The following TTBK2 variants were observed in gnomAD, a reference collection of about 807,000 sequenced individuals.
TTBK2 encodes tau-tubulin kinase 2.
In TTBK2, 28 loss-of-function variants were observed where a neutral mutation model predicts 110.8. The observed-to-expected ratio is 0.25, with a 90% CI of 0.19 to 0.35. The LOEUF (loss-of-function observed/expected upper bound fraction) is 0.35. Ranked by LOEUF, TTBK2 falls within the 10% of genes least tolerant of loss-of-function variation. The pLI, the probability that TTBK2 is intolerant of heterozygous loss-of-function variation, is 1.00. For synonymous variants in TTBK2, 532 were observed against 527.3 expected (o/e 1.01, Z -0.12); for missense variants, 1,369 against 1,500.3 (o/e 0.91, Z 1.45).
rs189162400 is a variant in TTBK2 at position 42,916,305 on chromosome 15, G to A, written c.-68+4133C>T. ...TTCCTATTTTCCTCCCCTCATCTTC[G>A]CCTTATTGGTCATTGAAAAATGTTT... On this transcript the variant is annotated intron_variant, in intron 1 of 14. Transcript: ENST00000267890. 4.9e-4 allele frequency among the ~76,000 whole-genome samples: 74 copies of A among 151,724 alleles called. 1 individual carries two copies. In the South Asian group the frequency reaches 0.011, roughly 22 times the overall value.
Position 42,840,447 on chromosome 15 carries a change from G to A in TTBK2, c.218-14C>T. ...CATGGTCTTTCCCTGGATAAAAAAAGAAAACAGTGGAAAAGAATATACTAT... is the reference window on the plus strand; with the variant it reads ...CATGGTCTTTCCCTGGATAAAAAAAAAAAACAGTGGAAAAGAATATACTAT... On this transcript the variant is annotated splice_polypyrimidine_tract_variant and intron_variant, in intron 3 of 14. Transcript: ENST00000267890. 6.2e-7 allele frequency: 1 copy of A among 1,604,008 alleles called. No homozygotes were observed. The highest frequency in any genetic ancestry group is 1.1e-5 in the South Asian group (1 of 90,890).
intron 9 of TTBK2, among the ~76,000 whole-genome samples, chr15:42,808,626 G>A (rs1338632514): frequency 6.6e-6 from 1 of 151,958 alleles, no homozygotes; most frequent in Non-Finnish European, 1.5e-5. Context: ...AAGGCAGAAG[G>A]ATTGCTTGAG....
chr15:42,829,845 A>C, intron 5 of TTBK2, 93 bp downstream of exon 5: 2 of 1,544,722 alleles, frequency 1.3e-6, no homozygotes, highest in Middle Eastern at 2.0e-4. Flanking sequence ...TACCACAGCA[A>C]ATACACAAAG....
chr15:42,827,837 T>G, intron 6 of TTBK2, 91 bp downstream of exon 6: 1 of 995,404 alleles, frequency 1.0e-6, no homozygotes, highest in Non-Finnish European at 1.6e-6. Context: ...TAACATCCAT[T>G]AGGATAAATA....
chr15:42,901,493 A>T (rs2030004509), intron 1 of TTBK2, among the ~76,000 whole-genome samples: 1 of 152,116 alleles, frequency 6.6e-6, no homozygotes, highest in South Asian at 2.1e-4. Context: ...CAAAATTAAA[A>T]ACTTTTGGCC....
At chr15:42,841,968 TA>T (rs1210133046) in intron 3 of TTBK2, among the ~76,000 whole-genome samples, 7 of 152,172 alleles carry the variant, frequency 4.6e-5, no homozygotes, top group African/African-American at 1.7e-4. Context: ...GAGGAACCAT[TA>T]GTTCATGGAC....
intron 3 of TTBK2, among the ~76,000 whole-genome samples, chr15:42,848,096 CATG>C (rs1893543386): frequency 1.3e-5 from 2 of 152,140 alleles, no homozygotes; most frequent in South Asian, 4.1e-4. Context: ...ATTGTATAAA[CATG>C]ATGTTTTGAA....
chr15:42,827,375 A>G (rs1173443572), intron 6 of TTBK2, among the ~76,000 whole-genome samples: 1 of 152,242 alleles, frequency 6.6e-6, no homozygotes, highest in East Asian at 1.9e-4. Context: ...ACAAAAAATC[A>G]TGAGGCATGC....
intron 3 of TTBK2, among the ~76,000 whole-genome samples, chr15:42,844,613 C>A (rs1221656211): frequency 6.6e-6 from 1 of 152,124 alleles, no homozygotes; most frequent in East Asian, 1.9e-4. Flanking sequence ...GCATTTTATG[C>A]CAGTCTCTAT....
intron 3 of TTBK2, among the ~76,000 whole-genome samples, chr15:42,857,954 A>T (rs1028798746): frequency 6.6e-5 from 10 of 152,000 alleles, no homozygotes; most frequent in African/African-American, 2.4e-4. Flanking sequence ...ATGGTGGCAC[A>T]TGCCTGTCGT....
chr15:42,815,793 T>A (rs1891913372), intron 7 of TTBK2, among the ~76,000 whole-genome samples: 1 of 147,410 alleles, frequency 6.8e-6, no homozygotes, highest in African/African-American at 2.5e-5. Flanking sequence ...ATTGATAGTA[T>A]TATATTCCCA....
intron 12 of TTBK2, among the ~76,000 whole-genome samples, chr15:42,776,119 C>A (rs1362723362): frequency 6.6e-6 from 1 of 152,164 alleles, no homozygotes; most frequent in African/African-American, 2.4e-5. Context: ...TGAATGATTA[C>A]CATGTGAGGA....
At chr15:42,747,507 C>T (rs145594487) in intron 14 of TTBK2, among the ~76,000 whole-genome samples, 3 of 152,266 alleles carry the variant, frequency 2.0e-5, no homozygotes, top group East Asian at 3.9e-4. Context: ...TGTTCCACCC[C>T]AGATCATCAG....
intron 3 of TTBK2, among the ~76,000 whole-genome samples, chr15:42,842,486 A>G (rs1893260312): frequency 6.6e-6 from 1 of 152,170 alleles, no homozygotes; most frequent in Non-Finnish European, 1.5e-5. Context: ...AGCTTGCTTG[A>G]AAGTAAGGAA....
rs869135370 is a variant in TTBK2, at chr15:42,821,686, G to GT, written c.538-4590dup. On this transcript the variant is annotated intron_variant, in intron 6 of 14. Coordinates refer to ENST00000267890, the MANE Select transcript of TTBK2 (RefSeq NM_173500.4). ...TATCTTGCCAGGGTTTTTGTTTTTT[G>GT]TTTTTTTTTTGTTTTTTTTTTTGAG... is the stretch of plus-strand genomic sequence containing the variant. 9.6e-4 allele frequency among the ~76,000 whole-genome samples: 118 copies of GT among 122,932 alleles called. 2 individuals are homozygous for GT. Among genetic ancestry groups the GT allele is most frequent in the South Asian group, 4.7e-3 (18 of 3,796 alleles). 80.6% of individuals were successfully genotyped at this position (122,932 alleles called of 152,430 possible). A position where few individuals can be genotyped will look rare whatever the true frequency, so the allele number is the denominator to read the frequency against.
intron 10 of TTBK2, among the ~76,000 whole-genome samples, chr15:42,792,355 C>T (rs1251110561): frequency 6.6e-6 from 1 of 151,312 alleles, no homozygotes; most frequent in Non-Finnish European, 1.5e-5. Flanking sequence ...ATTTTTTTTC[C>T]CTATTCAAAT....
chr15:42,803,103 T>TAC (rs1491067615), intron 9 of TTBK2, among the ~76,000 whole-genome samples: 16 of 152,072 alleles, frequency 1.1e-4, no homozygotes, highest in Admixed American at 2.0e-4. Flanking sequence ...AATTCCCCTT[T>TAC]ATATATATAT....
At chr15:42,755,040 C>G (rs1337998119) in intron 13 of TTBK2, among the ~76,000 whole-genome samples, 2 of 141,226 alleles carry the variant, frequency 1.4e-5, no homozygotes, top group East Asian at 4.4e-4. Flanking sequence ...AAAAATCAAG[C>G]CTATGAGAAG....
chr15:42,779,412 A>G (rs536011362), intron 11 of TTBK2, among the ~76,000 whole-genome samples: 1 of 151,366 alleles, frequency 6.6e-6, no homozygotes, highest in Non-Finnish European at 1.5e-5. Context: ...CTGTCACAAA[A>G]AAAAAAAAAA....
Sources: allele counts gnomAD v4.1 joint callset (sites outside exome capture counted in the v4.1 genomes callset), GRCh38; gene constraint gnomAD v4.1.1; transcripts MANE v1.5; gene names NCBI Gene and HGNC (gene_info 2026-07-23, HGNC 2026-07-21).